Variants in FAF1 observed in about 807,000 individuals in gnomAD.
FAF1 encodes Fas associated factor 1.
FAF1 carries 25 observed loss-of-function variants against 92.5 expected under a neutral mutation model. The ratio of observed to expected loss-of-function variants is 0.27; its 90% CI spans 0.20 to 0.38. FAF1 has a LOEUF of 0.38. Among genes scored for constraint, FAF1 ranks in the 10% least tolerant of loss-of-function variants. The pLI is 1.00. For synonymous variants in FAF1, 234 were observed against 273.2 expected, an observed-to-expected ratio of 0.86 and a Z score of 1.42; for missense variants, 636 against 793.3, an observed-to-expected ratio of 0.80 and a Z score of 2.38.
intron 4 of FAF1, among the ~76,000 whole-genome samples, chr1:50,776,723 T>C (rs1331724086): frequency 6.6e-6 from 1 of 151,644 alleles, no homozygotes; most frequent in Non-Finnish European, 1.5e-5. Flanking sequence ...AAAGAAAAAG[T>C]GTGATGTGGC....
intron 2 of FAF1, among the ~76,000 whole-genome samples, chr1:50,816,606 G>A (rs917035839): frequency 4.3e-4 from 65 of 152,142 alleles, no homozygotes; most frequent in Middle Eastern, 3.4e-3. Context: ...CATATGTTGC[G>A]AATATTTTTC....
At chr1:50,776,832 C>A (rs527427808) in intron 4 of FAF1, among the ~76,000 whole-genome samples, 3 of 152,048 alleles carry the variant, frequency 2.0e-5, no homozygotes, top group Non-Finnish European at 4.4e-5. Context: ...CTAATAAACC[C>A]GAGATGCCTT....
chr1:50,601,102 TGAGAA>T (rs1652103934), intron 8 of FAF1, among the ~76,000 whole-genome samples: 1 of 136,204 alleles, frequency 7.3e-6, no homozygotes, highest in South Asian at 2.3e-4. Context: ...TTGAAACAAC[TGAGAA>T]GACAAAAAAG....
chr1:50,681,595 C>A (rs1293258285), intron 7 of FAF1, among the ~76,000 whole-genome samples: 1 of 151,892 alleles, frequency 6.6e-6, no homozygotes, highest in Non-Finnish European at 1.5e-5. Flanking sequence ...GAAACCTCTG[C>A]CCCCCGAGTT....
At chr1:50,565,543 T>C (rs1482658790) in intron 13 of FAF1, among the ~76,000 whole-genome samples, 4 of 152,108 alleles carry the variant, frequency 2.6e-5, no homozygotes, top group East Asian at 3.8e-4. Context: ...CACAGGTGTC[T>C]CTGTAACCTG....
At chr1:50,752,520 C>T (rs1659908418) in intron 4 of FAF1, among the ~76,000 whole-genome samples, 1 of 152,022 alleles carries the variant, frequency 6.6e-6, no homozygotes, top group African/African-American at 2.4e-5. Context: ...TCTTGTTTTT[C>T]ACACTAGCAA....
chr1:50,790,018 T>C (rs1009845946), intron 3 of FAF1, among the ~76,000 whole-genome samples: 6 of 152,192 alleles, frequency 3.9e-5, no homozygotes, highest in African/African-American at 1.4e-4. Context: ...AGATTGAATG[T>C]TTTTCAACTC....
chr1:50,953,910 CTT>C (rs903259075), intron 1 of FAF1, among the ~76,000 whole-genome samples: 3 of 151,848 alleles, frequency 2.0e-5, no homozygotes, highest in Admixed American at 6.6e-5. Context: ...TAAAGGGACT[CTT>C]AATCTATGAC....
intron 15 of FAF1, among the ~76,000 whole-genome samples, chr1:50,523,234 A>G (rs547423171): frequency 6.6e-6 from 1 of 152,234 alleles, no homozygotes; most frequent in South Asian, 2.1e-4. Context: ...TTTCAGGCAC[A>G]AATACCTATT....
intron 4 of FAF1, among the ~76,000 whole-genome samples, chr1:50,778,308 A>G (rs760811706): frequency 1.3e-5 from 2 of 152,182 alleles, no homozygotes; most frequent in Admixed American, 6.5e-5. Context: ...CGTGCAATAA[A>G]TATTCTCTAT....
intron 4 of FAF1, among the ~76,000 whole-genome samples, chr1:50,775,228 T>C (rs1332999850): frequency 2.6e-5 from 4 of 152,152 alleles, no homozygotes; most frequent in Non-Finnish European, 2.9e-5. Context: ...TGAATTAATA[T>C]ATACACATAT....
intron 17 of FAF1, among the ~76,000 whole-genome samples, chr1:50,483,582 T>A (rs1047401662): frequency 2.0e-5 from 3 of 152,164 alleles, no homozygotes; most frequent in African/African-American, 7.2e-5. Flanking sequence ...CCACTGCAAG[T>A]TTTTGAAGTG....
At chr1:50,644,338 G>A (rs1291716569) in intron 8 of FAF1, among the ~76,000 whole-genome samples, 1 of 152,218 alleles carries the variant, frequency 6.6e-6, no homozygotes, top group Non-Finnish European at 1.5e-5. Context: ...GAAACTTGAA[G>A]CAGTTTTAGT....
chr1:50,556,256 A>G (rs1268276783), intron 13 of FAF1, among the ~76,000 whole-genome samples: 1 of 151,208 alleles, frequency 6.6e-6, no homozygotes, highest in East Asian at 1.9e-4. Context: ...AAAAAAAAAA[A>G]AAAAGAATAA....
rs150193293 is a variant in FAF1, at chr1:50,465,741, G to T, written c.1869+9723C>A. Among the ~76,000 whole-genome samples, 617 of 152,156 alleles carry T rather than the reference G, an allele frequency of 4.1e-3. 9 individuals are homozygous for T. Among genetic ancestry groups the T allele is most frequent in the African/African-American group, 0.014 (570 of 41,524 alleles). Reference sequence around the variant, plus strand: ...GGAAGACTATTATTTTATATGGGTTGGTCAGCAAAGGCCTCAATAAAAAGG... The same window carrying T: ...GGAAGACTATTATTTTATATGGGTTTGTCAGCAAAGGCCTCAATAAAAAGG... On this transcript the variant is annotated intron_variant, in intron 18 of 18. Transcript: ENST00000396153.
At chr1:50,658,710 C>A (rs988748888) in intron 7 of FAF1, among the ~76,000 whole-genome samples, 1 of 152,178 alleles carries the variant, frequency 6.6e-6, no homozygotes, top group Non-Finnish European at 1.5e-5. Context: ...AATAAACTGG[C>A]TAATGCAGAC....
intron 4 of FAF1, chr1:50,780,832 A>G (rs1661148566): frequency 2.3e-6 from 1 of 435,608 alleles, no homozygotes; most frequent in Non-Finnish European, 4.6e-6. Flanking sequence ...TTTATCCTGG[A>G]TAACGTGTCC....
At chr1:50,760,300 T>C (rs1462928052) in intron 4 of FAF1, among the ~76,000 whole-genome samples, 2 of 152,046 alleles carry the variant, frequency 1.3e-5, no homozygotes, top group Non-Finnish European at 2.9e-5. Flanking sequence ...TCAACAACGA[T>C]ACCCAGGAAT....
intron 9 of FAF1, among the ~76,000 whole-genome samples, chr1:50,593,739 TA>T (rs1213786312): frequency 2.6e-5 from 4 of 152,174 alleles, no homozygotes; most frequent in Admixed American, 6.5e-5. Flanking sequence ...TAAAAAATGT[TA>T]AAAACCAGAG....
Sources: gnomAD v4.1 joint callset for allele counts (sites outside exome capture counted in the v4.1 genomes callset) on GRCh38, gnomAD v4.1.1 for gene constraint, MANE v1.5 for transcripts, NCBI Gene and HGNC (gene_info 2026-07-23, HGNC 2026-07-21) for gene names.